The following NTM variants were observed in gnomAD, a reference collection of about 807,000 sequenced individuals.
The protein encoded by NTM is IgLON family member 2.
Under a neutral mutation model 42.1 loss-of-function variants are expected in NTM, and 13 were observed. That is an observed-to-expected ratio of 0.31 (90% CI 0.20 to 0.49). The LOEUF (loss-of-function observed/expected upper bound fraction) is 0.49. Among genes scored for constraint, NTM ranks in the 20% least tolerant of loss-of-function variants. The pLI, the probability that NTM is intolerant of heterozygous loss-of-function variation, is 0.99. For missense variants in NTM, 373 were observed against 452.8 expected (o/e 0.82, Z 1.60); for synonymous variants, 187 against 179.2 (o/e 1.04, Z -0.35).
rs769740331 is a variant in NTM at position 131,424,600 on chromosome 11, CTTT to C, written c.82+53728_82+53730del. Among the ~76,000 whole-genome samples, 45 of 56,038 alleles carry C rather than the reference CTTT, an allele frequency of 8.0e-4. 4 individuals are homozygous for C. Among genetic ancestry groups the C allele is most frequent in the Non-Finnish European group, 1.1e-3 (36 of 31,694 alleles). 36.8% of individuals were successfully genotyped at this position (56,038 alleles called of 152,430 possible). On this transcript the variant is annotated intron_variant, in intron 1 of 8. Transcript: ENST00000683400. ...AGTTGTTTTTTATTTCTTTTCTTTT[CTTT>C]TTTTTTTTTTTTTTTGGCGCAATCT... is the stretch of plus-strand genomic sequence containing the variant.
chr11:132,314,090 G>A (rs1031338754), intron 6 of NTM, among the ~76,000 whole-genome samples: 10 of 152,272 alleles, frequency 6.6e-5, no homozygotes, highest in East Asian at 3.9e-4. Flanking sequence ...CCAGGTGCTC[G>A]AAAAACATTT....
At chr11:131,403,741 G>A (rs1229262352) in intron 1 of NTM, among the ~76,000 whole-genome samples, 3 of 152,148 alleles carry the variant, frequency 2.0e-5, no homozygotes, top group African/African-American at 7.2e-5. Flanking sequence ...CCCACTTGGA[G>A]TGAATGACTC....
At position 132,185,873 on chromosome 11, in the gene NTM, G is replaced by T. The variant is rs916139687; in HGVS notation, c.401-26149G>T. 5.3e-5 allele frequency among the ~76,000 whole-genome samples: 8 copies of T among 152,182 alleles called. No individual in the cohort carries two copies. In the South Asian group the frequency reaches 6.2e-4, roughly 12 times the overall value. ...TTTTGGGCTCGGATTCTTTAACGTTGACCCTGCTTTGTGCTCAGGCAAATA... is the reference window on the plus strand; with the variant it reads ...TTTTGGGCTCGGATTCTTTAACGTTTACCCTGCTTTGTGCTCAGGCAAATA... On this transcript the variant is annotated intron_variant, in intron 3 of 8. Coordinates refer to ENST00000683400, the MANE Select transcript of NTM (RefSeq NM_001352005.2).
At chr11:132,058,542 C>T (rs943961905) in intron 2 of NTM, among the ~76,000 whole-genome samples, 2 of 152,176 alleles carry the variant, frequency 1.3e-5, no homozygotes, top group African/African-American at 2.4e-5. Flanking sequence ...ACTTTCATCC[C>T]CCTCTTGACA....
intron 1 of NTM, among the ~76,000 whole-genome samples, chr11:131,748,167 G>T (rs961099750): frequency 1.3e-5 from 2 of 152,218 alleles, no homozygotes; most frequent in Middle Eastern, 3.2e-3. Context: ...TCTGTTAAGG[G>T]TTTACTATGT....
In NTM at chr11:131,703,665, C is replaced by A. The variant is rs141371581; in HGVS notation, c.83-207899C>A. ...AAAGAATCCAGATGAGAGGCCACAGCACCTTGGTGGAGCACAGAAATAAGA... is the reference window on the plus strand; with the variant it reads ...AAAGAATCCAGATGAGAGGCCACAGAACCTTGGTGGAGCACAGAAATAAGA... On this transcript the variant is annotated intron_variant, in intron 1 of 8. Coordinates refer to ENST00000683400, the MANE Select transcript of NTM (RefSeq NM_001352005.2). Among the ~76,000 whole-genome samples, 365 of 152,316 alleles carry A rather than the reference C, an allele frequency of 2.4e-3. 1 individual carries two copies. Among genetic ancestry groups the A allele is most frequent in the African/African-American group, 8.1e-3 (338 of 41,570 alleles).
chr11:131,570,243 T>C (rs2057325102), intron 1 of NTM, among the ~76,000 whole-genome samples: 1 of 152,218 alleles, frequency 6.6e-6, no homozygotes, highest in South Asian at 2.1e-4. Flanking sequence ...TCAGCATTAT[T>C]TGTAAGGCCC....
At chr11:131,825,944 G>A (rs1469209872) in intron 1 of NTM, among the ~76,000 whole-genome samples, 1 of 152,090 alleles carries the variant, frequency 6.6e-6, no homozygotes, top group South Asian at 2.1e-4. Flanking sequence ...AAGAGGTCTG[G>A]GCTAGAAATA....
chr11:132,325,278 A>G (rs2095654630), intron 7 of NTM, among the ~76,000 whole-genome samples: 1 of 150,534 alleles, frequency 6.6e-6, no homozygotes, highest in Middle Eastern at 3.5e-3. Context: ...TCATCTGACA[A>G]AGGGCTAATA....
At chr11:131,507,037 G>A (rs2047573192) in intron 1 of NTM, among the ~76,000 whole-genome samples, 3 of 152,088 alleles carry the variant, frequency 2.0e-5, no homozygotes, top group South Asian at 2.1e-4. Flanking sequence ...GTGAAGCCAC[G>A]TCCCTTATAT....
chr11:132,302,098 T>A (rs982954818), intron 4 of NTM, among the ~76,000 whole-genome samples: 1 of 152,212 alleles, frequency 6.6e-6, no homozygotes, highest in Non-Finnish European at 1.5e-5. Flanking sequence ...AATGCTAAGC[T>A]CAGCACTTTG....
At chr11:131,784,252 A>G (rs2088716426) in intron 1 of NTM, among the ~76,000 whole-genome samples, 1 of 152,330 alleles carries the variant, frequency 6.6e-6, no homozygotes, top group East Asian at 1.9e-4. Context: ...AAAATTAACC[A>G]TACAATAACA....
chr11:131,475,913 T>G (rs1952885873), intron 1 of NTM, among the ~76,000 whole-genome samples: 2 of 152,158 alleles, frequency 1.3e-5, no homozygotes, highest in African/African-American at 2.4e-5. Context: ...ATTCAAAATA[T>G]GTATTGACCA....
At chr11:131,526,367 G>T (rs2050482804) in intron 1 of NTM, among the ~76,000 whole-genome samples, 1 of 152,210 alleles carries the variant, frequency 6.6e-6, no homozygotes, top group Non-Finnish European at 1.5e-5. Flanking sequence ...GGACAGGTCA[G>T]GTGTGTGTTT....
intron 1 of NTM, among the ~76,000 whole-genome samples, chr11:131,733,276 C>T (rs1161743453): frequency 6.6e-6 from 1 of 152,096 alleles, no homozygotes; most frequent in African/African-American, 2.4e-5. Flanking sequence ...TGAACTAAAT[C>T]CAGGGCCCAT....
At chr11:131,864,482 T>G (rs928780070) in intron 1 of NTM, among the ~76,000 whole-genome samples, 8 of 152,198 alleles carry the variant, frequency 5.3e-5, no homozygotes, top group Non-Finnish European at 1.0e-4. Context: ...ACTCTCCCTC[T>G]TGCTGTAAAT....
intron 6 of NTM, among the ~76,000 whole-genome samples, chr11:132,313,349 C>CA (rs1205123555): frequency 6.6e-6 from 1 of 152,082 alleles, no homozygotes; most frequent in Non-Finnish European, 1.5e-5. Context: ...TCCCCTGAAT[C>CA]TGTTCCAGTG....
intron 1 of NTM, among the ~76,000 whole-genome samples, chr11:131,728,183 C>T (rs1315970533): frequency 6.6e-6 from 1 of 152,178 alleles, no homozygotes; most frequent in African/African-American, 2.4e-5. Context: ...TTCATTCTGA[C>T]CACCATCTAC....
chr11:131,518,882 A>C (rs1354325697), intron 1 of NTM, among the ~76,000 whole-genome samples: 2 of 152,222 alleles, frequency 1.3e-5, no homozygotes, highest in African/African-American at 4.8e-5. Flanking sequence ...TTAATAACTA[A>C]TTAGGACAAC....
Sources: gnomAD v4.1 joint callset for allele counts (sites outside exome capture counted in the v4.1 genomes callset) on GRCh38, gnomAD v4.1.1 for gene constraint, MANE v1.5 for transcripts, NCBI Gene and HGNC (gene_info 2026-07-23, HGNC 2026-07-21) for gene names.